The following SPTB variants were observed in gnomAD, a reference collection of about 807,000 sequenced individuals.
SPTB encodes the protein spectrin beta chain, erythrocytic.
SPTB carries 45 observed loss-of-function variants against 256.2 expected under a neutral mutation model. That is an observed-to-expected ratio of 0.18 (90% CI 0.14 to 0.23). SPTB has a LOEUF of 0.23. SPTB is among the 10% of genes least tolerant of loss of function. SPTB has a pLI of 1.00. For missense variants in SPTB, 2,715 were observed against 3,040.4 expected (o/e 0.89, Z 2.52); for synonymous variants, 1,231 against 1,243.1 (o/e 0.99, Z 0.21).
At chr14:64,818,538 C>T (rs548931410) in intron 2 of SPTB, among the ~76,000 whole-genome samples, 37 of 152,302 alleles carry the variant, frequency 2.4e-4, no homozygotes, top group Middle Eastern at 3.4e-3. Context: ...GAGGCAGCAT[C>T]CTCACTGGAG....
intron 29 of SPTB, 41 bp downstream of exon 29, chr14:64,768,993 G>T (rs766330917): frequency 5.9e-6 from 9 of 1,532,372 alleles, no homozygotes; most frequent in Admixed American, 1.7e-5. Flanking sequence ...TCCTGCGGGG[G>T]TACTCCTGCC....
chr14:64,826,318 A>G lies in SPTB; in HGVS notation c.-51-3173T>C, dbSNP rs138006168. Reference sequence around the variant, plus strand: ...TCTCGGCGTCACCATGTCTCTTTCCATACTGTTACAACGGCCCTTCAAAGG... The same window carrying G: ...TCTCGGCGTCACCATGTCTCTTTCCGTACTGTTACAACGGCCCTTCAAAGG... On this transcript the variant is annotated intron_variant, in intron 1 of 35. Coordinates refer to ENST00000644917, the MANE Select transcript of SPTB (RefSeq NM_001355436.2). This position sits in a 1 kb window ranked among gnomAD's most constrained non-coding sequence, Gnocchi z 4.4. 1.3e-5 allele frequency among the ~76,000 whole-genome samples: 2 copies of G among 152,346 alleles called. No homozygotes were observed. The highest frequency in any genetic ancestry group is 4.8e-5 in the African/African-American group (2 of 41,576).
At chr14:64,791,929 G>A in intron 14 of SPTB, 73 bp from the exon 15 acceptor site, 1 of 1,593,470 alleles carries the variant, frequency 6.3e-7, no homozygotes, top group Non-Finnish European at 8.6e-7. Flanking sequence ...GGCACCCCCA[G>A]TCTCCAGAAC....
At position 64,786,441 on chromosome 14, in the gene SPTB, T is replaced by C. The variant is rs1291286548; in HGVS notation, c.3524A>G (p.Lys1175Arg). Reference protein sequence around the residue: ...AQCLGFQEFQKDAKQAEAILS... With the variant: ...AQCLGFQEFQRDAKQAEAILS... ...GATGGCTTCAGCCTGCTTGGCATCT[T>C]TCTGGAACTCCTGGAAGCCAAGGCA... The change falls in exon 16 of 36, where the codon AAA becomes AGA. Residue 1175 changes from lysine to arginine, a missense_variant. By Grantham distance (26) the Lys-to-Arg change is conservative (BLOSUM62 2). Transcript: ENST00000644917. The surrounding 1 kb of genome is among the most constrained non-coding windows in gnomAD (Gnocchi z 5.6). The C allele has an allele frequency of 1.2e-6, 2 of 1,614,012 alleles. No homozygotes were observed. Among genetic ancestry groups the C allele is most frequent in the Non-Finnish European group, 1.7e-6 (2 of 1,180,034 alleles).
Position 64,793,184 on chromosome 14 carries a change from G to T in SPTB, c.2479C>A (p.Arg827=). 1 of 1,613,380 alleles carries T rather than the reference G, an allele frequency of 6.2e-7. No individual in the cohort carries two copies. Among genetic ancestry groups the T allele is most frequent in the Non-Finnish European group, 8.5e-7 (1 of 1,180,036 alleles). The part of the protein sequence containing the change: ...PDVTHRLQAL[R]ELYQQVVAQA... ...GCCACCACCTGTTGGTAGAGCTCCC[G>T]CAGGGCCTGCAGCCGATGGGTCACA... Residue 827 remains arginine (R), a synonymous_variant, in exon 14 of 36, where the codon CGG becomes AGG. Transcript: ENST00000644917. This position sits in a 1 kb window ranked among gnomAD's most constrained non-coding sequence, Gnocchi z 7.0.
Position 64,847,087 on chromosome 14 carries a change from A to G in SPTB, c.-51-23942T>C, listed in dbSNP as rs1388267613. 6.6e-6 allele frequency among the ~76,000 whole-genome samples: 1 copy of G among 152,086 alleles called. No individual in the cohort carries two copies. The highest frequency in any genetic ancestry group is 6.5e-5 in the Admixed American group (1 of 15,268). On this transcript the variant is annotated intron_variant, in intron 1 of 35. Coordinates refer to ENST00000644917, the MANE Select transcript of SPTB (RefSeq NM_001355436.2). The surrounding 1 kb of genome is among the most constrained non-coding windows in gnomAD (Gnocchi z 5.9). ...AAGCCCCTTGTCTATGTGTAGCTCCACCTCGGGGTGTGATTTCCTCAGTTG... is the reference window on the plus strand; with the variant it reads ...AAGCCCCTTGTCTATGTGTAGCTCCGCCTCGGGGTGTGATTTCCTCAGTTG...
rs2081864826 is a variant in SPTB, at chr14:64,747,466, T to G, written c.*1840A>C. On this transcript the variant is annotated 3_prime_UTR_variant, in exon 36 of 36. Transcript: ENST00000644917. ...TAGGGTCATATGTACCAAAGCCAAA[T>G]GAAGACCTTGCTCACCAGGGCGGGA... is the stretch of plus-strand genomic sequence containing the variant. 6.6e-6 allele frequency: 1 copy of G among 152,652 alleles called. No individual in the cohort carries two copies. Among genetic ancestry groups the G allele is most frequent in the Non-Finnish European group, 1.5e-5 (1 of 68,068 alleles). The allele number at this position is 152,652 out of a possible 1,614,324, so 9.5% of individuals were successfully genotyped here. A position where few individuals can be genotyped will look rare whatever the true frequency, so the allele number is the denominator to read the frequency against.
Position 64,767,852 on chromosome 14 carries a change from C to G in SPTB, c.6030G>C (p.Glu2010Asp). The G allele has an allele frequency of 6.2e-7, 1 of 1,613,884 alleles. No individual in the cohort carries two copies. ...AGGCATCCCTCGAGAACTGGCACAC[C>G]TCCAGCACTGCCAGGGGGAACAGGA... is the stretch of plus-strand genomic sequence containing the variant. ...ARWERLRMLL[E>D]VCQFSRDASV... The change falls in exon 30 of 36, where the codon GAG becomes GAC. Residue 2010 changes from glutamate to aspartate, a missense_variant. By Grantham distance (45) the Glu-to-Asp change is conservative (BLOSUM62 2). Around this residue, in one of 4 missense-constraint regions of SPTB, gnomAD observed 2,239 missense variants for 2,384.4 expected, o/e 0.94. Transcript: ENST00000644917.
rs551275163 is a variant in SPTB, at chr14:64,785,270, A to T, written c.3855+267T>A. 3.9e-4 allele frequency among the ~76,000 whole-genome samples: 60 copies of T among 152,202 alleles called. No homozygotes were observed. Among genetic ancestry groups the T allele is most frequent in the African/African-American group, 1.4e-3 (58 of 41,540 alleles). ...GCTGGCCCAGACTGGGTCCTAGGTG[A>T]TTCTAAAATAGACTGTCCCTAGACT... On this transcript the variant is annotated intron_variant, in intron 18 of 35. Transcript: ENST00000644917. This position sits in a 1 kb window ranked among gnomAD's most constrained non-coding sequence, Gnocchi z 4.4.
rs1427995711 is a variant in SPTB at position 64,873,285 on chromosome 14, C to T, written c.-52+6507G>A. 6.6e-6 allele frequency among the ~76,000 whole-genome samples: 1 copy of T among 152,226 alleles called. No homozygotes were observed. The highest frequency in any genetic ancestry group is 1.5e-5 in the Non-Finnish European group (1 of 68,044). ...TCTACGACTTCAGACATTTTTGCCA[C>T]ATTCACTGTTACATTCCCTGGGCCT... On this transcript the variant is annotated intron_variant, in intron 1 of 35. Transcript: ENST00000644917. This position sits in a 1 kb window ranked among gnomAD's most constrained non-coding sequence, Gnocchi z 4.3.
chr14:64,872,081 T>C (rs539543484), intron 1 of SPTB, among the ~76,000 whole-genome samples: 1 of 152,276 alleles, frequency 6.6e-6, no homozygotes, highest in African/African-American at 2.4e-5. Context: ...ACATCTCCTT[T>C]TTGGTGTATT....
chr14:64,788,965 T>G (rs1029024311), intron 15 of SPTB, among the ~76,000 whole-genome samples: 17 of 152,198 alleles, frequency 1.1e-4, no homozygotes, highest in African/African-American at 3.9e-4. Context: ...AAACCTTAGT[T>G]TTTTCCCAGT....
intron 6 of SPTB, 58 bp downstream of exon 6, chr14:64,801,696 C>T (rs1015183552): frequency 1.3e-6 from 2 of 1,534,806 alleles, no homozygotes; most frequent in South Asian, 1.1e-5. Context: ...GCAATGTGTC[C>T]AAATATTCCC....
chr14:64,784,995 C>T (rs981895185), intron 18 of SPTB, among the ~76,000 whole-genome samples: 1 of 152,198 alleles, frequency 6.6e-6, no homozygotes, highest in African/African-American at 2.4e-5. Context: ...AGTTTTCCAA[C>T]TGGCAGGTTT....
At chr14:64,861,299 G>A (rs1029774679) in intron 1 of SPTB, among the ~76,000 whole-genome samples, 1 of 151,918 alleles carries the variant, frequency 6.6e-6, no homozygotes, top group African/African-American at 2.4e-5. Context: ...CACGTTCTGT[G>A]CATGTATCCC....
At position 64,825,325 on chromosome 14, in the gene SPTB, C is replaced by T. The variant is rs2083360710; in HGVS notation, c.-51-2180G>A. ...CACAGGATGCCCCATGATGCCAGACCTGTGCCCAAGACCACCCTTGTGCCT... is the reference window on the plus strand; with the variant it reads ...CACAGGATGCCCCATGATGCCAGACTTGTGCCCAAGACCACCCTTGTGCCT... On this transcript the variant is annotated intron_variant, in intron 1 of 35. Coordinates refer to ENST00000644917, the MANE Select transcript of SPTB (RefSeq NM_001355436.2). This position sits in a 1 kb window ranked among gnomAD's most constrained non-coding sequence, Gnocchi z 4.8. 1.3e-5 allele frequency among the ~76,000 whole-genome samples: 2 copies of T among 152,230 alleles called. No individual in the cohort carries two copies. The highest frequency in any genetic ancestry group is 4.8e-5 in the African/African-American group (2 of 41,466).
Position 64,749,129 on chromosome 14 carries a change from G to T in SPTB, c.*177C>A. On this transcript the variant is annotated 3_prime_UTR_variant, in exon 36 of 36. Coordinates refer to ENST00000644917, the MANE Select transcript of SPTB (RefSeq NM_001355436.2). The surrounding 1 kb of genome is among the most constrained non-coding windows in gnomAD (Gnocchi z 4.7). The stretch of plus-strand genomic sequence containing the variant: ...GCGCGGGCGAGGGCATGGAGGGGGC[G>T]TCGGCCCAGGACACGCGGGCGAAGG... 1.5e-6 allele frequency: 1 copy of T among 661,796 alleles called. No homozygotes were observed. The highest frequency in any genetic ancestry group is 2.4e-6 in the Non-Finnish European group (1 of 415,230). The allele number at this position is 661,796 out of a possible 1,614,324, so 41.0% of individuals were successfully genotyped here.
In SPTB at chr14:64,807,740, G is replaced by T. The variant is rs954169247; in HGVS notation, c.149-2650C>A. On this transcript the variant is annotated intron_variant, in intron 2 of 35. Coordinates refer to ENST00000644917, the MANE Select transcript of SPTB (RefSeq NM_001355436.2). This position sits in a 1 kb window ranked among gnomAD's most constrained non-coding sequence, Gnocchi z 4.7. ...CAGATGCTCATCCCAAGCCTTCCAA[G>T]GGCAGGAGAGGCGGTGGCCTGGAGC... Among the ~76,000 whole-genome samples the T allele has an allele frequency of 6.6e-6, 1 of 152,250 alleles. No homozygotes were observed. Among genetic ancestry groups the T allele is most frequent in the Admixed American group, 6.5e-5 (1 of 15,292 alleles).
chr14:64,796,430 CG>C lies in SPTB; in HGVS notation c.1341+126del. 2.4e-6 allele frequency: 3 copies of C among 1,237,030 alleles called. No homozygotes were observed. Among genetic ancestry groups the C allele is most frequent in the East Asian group, 2.3e-5 (1 of 42,798 alleles). The allele number at this position is 1,237,030 out of a possible 1,614,324, so 76.6% of individuals were successfully genotyped here. Reference sequence around the variant, plus strand: ...ATGCAAATCTTGATCCACTGGATCACGGGGGAGCTGTGCTGCAAGGCACGAG... The same window carrying C: ...ATGCAAATCTTGATCCACTGGATCACGGGGAGCTGTGCTGCAAGGCACGAG... On this transcript the variant is annotated intron_variant, in intron 11 of 35. Transcript: ENST00000644917. The surrounding 1 kb of genome is among the most constrained non-coding windows in gnomAD (Gnocchi z 4.1).
Sources: gnomAD v4.1 joint callset for allele counts (sites outside exome capture counted in the v4.1 genomes callset) on GRCh38, gnomAD v4.1.1 for gene constraint, gnomAD v4.1.1 regional missense constraint, Gnocchi (gnomAD v3.1) non-coding constraint, MANE v1.5 for transcripts, NCBI Gene and HGNC (gene_info 2026-07-23, HGNC 2026-07-21) for gene names.